RPIA: variants seen among roughly 807,000 people sequenced by gnomAD.
The protein encoded by RPIA is ribose 5-phosphate isomerase A.
A neutral mutation model predicts 37.8 loss-of-function variants in RPIA; 29 were observed. The observed-to-expected ratio is 0.77, with a 90% CI of 0.57 to 1.05. RPIA has a LOEUF of 1.05. Ranked by LOEUF, RPIA falls within the 50% of genes least tolerant of loss-of-function variation. The probability of loss-of-function intolerance (pLI) is 0.00; values close to 1 mark genes in which losing one functional copy is unlikely to be tolerated. For synonymous variants in RPIA, 167 were observed against 157.0 expected, an observed-to-expected ratio of 1.06 and a Z score of -0.48; for missense variants, 385 against 413.6, an observed-to-expected ratio of 0.93 and a Z score of 0.60.
intron 1 of RPIA, among the ~76,000 whole-genome samples, chr2:88,695,988 A>G (rs1036331922): frequency 2.7e-5 from 4 of 150,722 alleles, no homozygotes; most frequent in African/African-American, 9.8e-5. Context: ...TTCTAGTTAT[A>G]GATGTAGTCA....
At chr2:88,698,418 T>C (rs1558687747) in intron 1 of RPIA, 66 bp from the exon 2 acceptor site, 1 of 1,349,078 alleles carries the variant, frequency 7.4e-7, no homozygotes, top group Non-Finnish European at 1.1e-6. Context: ...CTTTAGGAAG[T>C]AGGCTGACAA....
At chr2:88,735,839 G>A in intron 6 of RPIA, 102 bp downstream of exon 6, 2 of 1,150,334 alleles carry the variant, frequency 1.7e-6, no homozygotes, top group Non-Finnish European at 2.6e-6. Flanking sequence ...TGCAGGGACT[G>A]TCTGACTTTC....
At chr2:88,742,121 C>A (rs373112243) in intron 8 of RPIA, among the ~76,000 whole-genome samples, 4 of 152,196 alleles carry the variant, frequency 2.6e-5, no homozygotes, top group African/African-American at 7.2e-5. Flanking sequence ...GTCATGAAAT[C>A]TTTGCCTAAG....
At chr2:88,711,897 T>C (rs1033296213) in intron 3 of RPIA, among the ~76,000 whole-genome samples, 12 of 152,202 alleles carry the variant, frequency 7.9e-5, no homozygotes, top group African/African-American at 2.4e-4. Context: ...CTTAACACTT[T>C]GGGAGGCTGA....
intron 1 of RPIA, among the ~76,000 whole-genome samples, chr2:88,695,229 A>G (rs1233852929): frequency 1.3e-5 from 2 of 152,200 alleles, no homozygotes; most frequent in Non-Finnish European, 2.9e-5. Context: ...AATCAAACCC[A>G]AAGAGAGTGT....
intron 1 of RPIA, among the ~76,000 whole-genome samples, chr2:88,697,085 C>G (rs1219003731): frequency 3.3e-5 from 5 of 152,194 alleles, no homozygotes; most frequent in African/African-American, 7.2e-5. Context: ...ACAAAACTTA[C>G]TTGCTTTGTT....
chr2:88,715,491 AG>A (rs1673023372), intron 3 of RPIA, among the ~76,000 whole-genome samples: 1 of 152,262 alleles, frequency 6.6e-6, no homozygotes, highest in South Asian at 2.1e-4. Flanking sequence ...TTCTATCTAT[AG>A]GAACAGTGAG....
At chr2:88,748,950 T>TGGG (rs1673469984) in intron 8 of RPIA, among the ~76,000 whole-genome samples, 1 of 152,174 alleles carries the variant, frequency 6.6e-6, no homozygotes, top group Non-Finnish European at 1.5e-5. Flanking sequence ...CTGGGCTCCA[T>TGGG]CAGCTCCATC....
chr2:88,729,275 C>G lies in RPIA; in HGVS notation c.403-3C>G. ...CGTGGTTGCTCTTCCCTGTCCTCCG[C>G]AGGCCCGCCAGCTCATCCTGCAGTA... On this transcript the variant is annotated splice_polypyrimidine_tract_variant and splice_region_variant and intron_variant, in intron 3 of 8. Coordinates refer to ENST00000283646, the MANE Select transcript of RPIA (RefSeq NM_144563.3). 6.2e-7 allele frequency: 1 copy of G among 1,614,174 alleles called. No individual in the cohort carries two copies. Among genetic ancestry groups the G allele is most frequent in the Non-Finnish European group, 8.5e-7 (1 of 1,180,002 alleles).
chr2:88,722,747 A>G (rs1673149614), intron 3 of RPIA, among the ~76,000 whole-genome samples: 1 of 152,214 alleles, frequency 6.6e-6, no homozygotes, highest in African/African-American at 2.4e-5. Flanking sequence ...AGAGCTTTAG[A>G]CCTAAGAAGA....
At chr2:88,734,638 G>A (rs1190571423) in intron 5 of RPIA, 22 bp downstream of exon 5, 1 of 1,612,152 alleles carries the variant, frequency 6.2e-7, no homozygotes, top group East Asian at 2.2e-5. Context: ...GGGGGCTTCT[G>A]TGCTAAAGAG....
intron 8 of RPIA, among the ~76,000 whole-genome samples, chr2:88,747,873 C>A (rs939533123): frequency 2.6e-5 from 4 of 152,234 alleles, no homozygotes; most frequent in African/African-American, 7.2e-5. Context: ...TCTGTGAATT[C>A]TTTTGGTTTT....
At chr2:88,719,157 A>G (rs190987381) in intron 3 of RPIA, among the ~76,000 whole-genome samples, 105 of 152,278 alleles carry the variant, frequency 6.9e-4, no homozygotes, top group Non-Finnish European at 1.3e-4. Context: ...AGAGGACCAA[A>G]CAAGACAACA....
intron 3 of RPIA, among the ~76,000 whole-genome samples, chr2:88,724,465 C>T (rs373517086): frequency 6.6e-6 from 1 of 152,004 alleles, no homozygotes; most frequent in Non-Finnish European, 1.5e-5. Context: ...TGGCAACACA[C>T]CTGGCTAATT....
chr2:88,748,565 G>A (rs935628380), intron 8 of RPIA, among the ~76,000 whole-genome samples: 16 of 152,188 alleles, frequency 1.1e-4, no homozygotes, highest in African/African-American at 3.4e-4. Flanking sequence ...CAGTTAAAGT[G>A]TTATGTCATT....
intron 3 of RPIA, among the ~76,000 whole-genome samples, chr2:88,717,034 C>T (rs558080684): frequency 2.6e-5 from 4 of 152,266 alleles, no homozygotes; most frequent in South Asian, 2.1e-4. Flanking sequence ...GCAAGACCCT[C>T]GGTTTAGATC....
intron 8 of RPIA, among the ~76,000 whole-genome samples, chr2:88,743,208 T>A (rs2104145739): frequency 6.6e-6 from 1 of 152,304 alleles, no homozygotes; most frequent in Middle Eastern, 3.4e-3. Context: ...TTTAGGTATG[T>A]CCCTTCTATG....
At chr2:88,746,842 G>A (rs949423931) in intron 8 of RPIA, among the ~76,000 whole-genome samples, 2 of 152,148 alleles carry the variant, frequency 1.3e-5, no homozygotes, top group African/African-American at 4.8e-5. Flanking sequence ...TTTGGAGCAG[G>A]GTTGTTCTGT....
chr2:88,736,457 C>A (rs1673316646), intron 6 of RPIA, 78 bp from the exon 7 acceptor site: 1 of 1,520,170 alleles, frequency 6.6e-7, no homozygotes, highest in Non-Finnish European at 9.1e-7. Context: ...TCTCATTAAC[C>A]CTGTTCCTGA....
Sources: allele counts gnomAD v4.1 joint callset (sites outside exome capture counted in the v4.1 genomes callset), GRCh38; gene constraint gnomAD v4.1.1; transcripts MANE v1.5; gene names NCBI Gene and HGNC (gene_info 2026-07-23, HGNC 2026-07-21).